SHLD1: variants seen among roughly 807,000 people sequenced by gnomAD.
SHLD1 encodes the protein shieldin complex subunit 1.
SHLD1 carries 3 observed loss-of-function variants against 5.5 expected under a neutral mutation model. The observed-to-expected ratio is 0.54, with a 90% CI of 0.25 to 1.40. The LOEUF (loss-of-function observed/expected upper bound fraction) is 1.40. Ranked by LOEUF, SHLD1 falls within the 40% of genes most tolerant of loss-of-function variation. The pLI is 0.15. For missense variants in SHLD1, 210 were observed against 244.4 expected (o/e 0.86, Z 0.94); for synonymous variants, 92 against 94.3 (o/e 0.98, Z 0.14).
chr20:5,834,915 A>G (rs1157617418), intron 2 of SHLD1, among the ~76,000 whole-genome samples: 1 of 152,134 alleles, frequency 6.6e-6, no homozygotes, highest in Admixed American at 6.6e-5. Context: ...GGTCTCCTTT[A>G]TGAGTTCCAT....
chr20:5,827,384 G>A (rs780338924), intron 2 of SHLD1, among the ~76,000 whole-genome samples: 6 of 152,242 alleles, frequency 3.9e-5, no homozygotes, highest in East Asian at 1.9e-4. Flanking sequence ...CATAGTCCAC[G>A]TAGTCCGCCT....
intron 2 of SHLD1, among the ~76,000 whole-genome samples, chr20:5,823,904 C>T (rs551663098): frequency 2.2e-4 from 33 of 152,294 alleles, no homozygotes; most frequent in African/African-American, 7.5e-4. Context: ...CTCACCACCT[C>T]CTCCACTCTA....
intron 2 of SHLD1, among the ~76,000 whole-genome samples, chr20:5,798,605 C>T (rs1313942782): frequency 1.5e-5 from 2 of 130,862 alleles, no homozygotes; most frequent in Non-Finnish European, 3.2e-5. Context: ...CCTGGCCTAA[C>T]ATTTTAGTTT....
At chr20:5,789,394 T>C (rs1600123758) in intron 2 of SHLD1, among the ~76,000 whole-genome samples, 1 of 151,668 alleles carries the variant, frequency 6.6e-6, no homozygotes, top group South Asian at 2.1e-4. Context: ...CTGGCCAACA[T>C]GGTGAAACCC....
intron 2 of SHLD1, among the ~76,000 whole-genome samples, chr20:5,784,960 T>A (rs1292374915): frequency 2.0e-5 from 3 of 152,200 alleles, no homozygotes; most frequent in African/African-American, 7.2e-5. Context: ...CCGGGGCACT[T>A]ATCTGCCGAG....
At position 5,766,494 on chromosome 20, in the gene SHLD1, A is replaced by G. The variant is rs1234929336; in HGVS notation, c.-4-6368A>G. Among the ~76,000 whole-genome samples, 4 of 152,164 alleles carry G rather than the reference A, an allele frequency of 2.6e-5. No individual in the cohort carries two copies. In the East Asian group the frequency reaches 5.8e-4, roughly 22 times the overall value. On this transcript the variant is annotated intron_variant, in intron 1 of 2. Transcript: ENST00000303142. ...TAGTTTAGGCTGCAATACTGGGGCTATGCAGACACAGGATGCTGGGAGGAC... is the reference window on the plus strand; with the variant it reads ...TAGTTTAGGCTGCAATACTGGGGCTGTGCAGACACAGGATGCTGGGAGGAC...
chr20:5,832,792 C>G (rs919613473), intron 2 of SHLD1, among the ~76,000 whole-genome samples: 1 of 134,086 alleles, frequency 7.5e-6, no homozygotes, highest in Non-Finnish European at 1.6e-5. Flanking sequence ...AGCTGGAAAT[C>G]AAAATAATAA....
At chr20:5,767,680 T>C (rs1347176840) in intron 1 of SHLD1, among the ~76,000 whole-genome samples, 1 of 152,232 alleles carries the variant, frequency 6.6e-6, no homozygotes, top group African/African-American at 2.4e-5. Flanking sequence ...CTGCTCTGCA[T>C]GTGCCCATGG....
chr20:5,808,074 G>A (rs1340601997), intron 2 of SHLD1, among the ~76,000 whole-genome samples: 5 of 152,176 alleles, frequency 3.3e-5, no homozygotes, highest in Non-Finnish European at 5.9e-5. Flanking sequence ...GAGGCCAGGA[G>A]TTCGAGACCG....
intron 1 of SHLD1, chr20:5,756,703 T>G (rs2122177062): frequency 6.0e-6 from 1 of 167,672 alleles, no homozygotes. Flanking sequence ...TTTTTTTTTT[T>G]TTTTTGAGAT....
At chr20:5,859,533 G>A (rs554288254) in intron 2 of SHLD1, among the ~76,000 whole-genome samples, 4 of 152,280 alleles carry the variant, frequency 2.6e-5, no homozygotes, top group Non-Finnish European at 5.9e-5. Flanking sequence ...ATGCATCACT[G>A]AGCACGAACT....
chr20:5,785,538 G>A (rs1032534364), intron 2 of SHLD1, among the ~76,000 whole-genome samples: 11 of 152,146 alleles, frequency 7.2e-5, no homozygotes, highest in Admixed American at 5.9e-4. Context: ...TCTCACGCCT[G>A]TAATCCCAGC....
rs76918207 is a variant in SHLD1, at chr20:5,806,255, G to A, written c.178+33212G>A. Among the ~76,000 whole-genome samples the A allele has an allele frequency of 0.014, 2,153 of 152,316 alleles. 27 individuals carry two copies. The highest frequency in any genetic ancestry group is 0.1 in the Middle Eastern group (30 of 294). ...GGTGGACACATAGTAGCTGACATAA[G>A]TGAGAATCTCCACCCACAAACTTTA... On this transcript the variant is annotated intron_variant, in intron 2 of 2. Coordinates refer to ENST00000303142, the MANE Select transcript of SHLD1 (RefSeq NM_152504.4). This position sits in a 1 kb window ranked among gnomAD's most constrained non-coding sequence, Gnocchi z 7.6.
chr20:5,824,982 G>T (rs771431222), intron 2 of SHLD1, among the ~76,000 whole-genome samples: 1 of 152,148 alleles, frequency 6.6e-6, no homozygotes, highest in African/African-American at 2.4e-5. Context: ...AGTCCCTCCT[G>T]TTATACCCCA....
Position 5,860,810 on chromosome 20 carries a change from C to G in SHLD1, c.179-2214C>G, listed in dbSNP as rs6133271. Among the ~76,000 whole-genome samples, 21 of 134,602 alleles carry G rather than the reference C, an allele frequency of 1.6e-4. No homozygotes were observed. In the South Asian group the frequency reaches 4.7e-3, roughly 30 times the overall value. 88.3% of individuals were successfully genotyped at this position (134,602 alleles called of 152,430 possible). ...GAGGCTTCAGTCCAGTGATAGTGTT[C>G]TTGGGAAGAACTTGGGTAAAAGCTC... On this transcript the variant is annotated intron_variant, in intron 2 of 2. Transcript: ENST00000303142.
intron 2 of SHLD1, among the ~76,000 whole-genome samples, chr20:5,804,293 A>G (rs1397541957): frequency 1.3e-5 from 2 of 151,844 alleles, no homozygotes; most frequent in African/African-American, 2.4e-5. Context: ...GTAACTTACT[A>G]TAGGTCTTTG....
intron 2 of SHLD1, among the ~76,000 whole-genome samples, chr20:5,823,420 G>A (rs1350858963): frequency 6.6e-6 from 1 of 151,236 alleles, no homozygotes; most frequent in Non-Finnish European, 1.5e-5. Context: ...ATAGTGCCTG[G>A]TCTAGCATAG....
chr20:5,849,725 C>T (rs1330235658), intron 2 of SHLD1, among the ~76,000 whole-genome samples: 10 of 151,250 alleles, frequency 6.6e-5, no homozygotes, highest in Admixed American at 3.9e-4. Context: ...TTTGGGAGGC[C>T]GAGGCGGGTG....
intron 2 of SHLD1, among the ~76,000 whole-genome samples, chr20:5,833,807 G>GA (rs11087699): frequency 0.33 from 49,524 of 151,722 alleles, 8,333 homozygotes; most frequent in East Asian, 0.5. Flanking sequence ...GAGAAAGAGA[G>GA]AGGGGGCAGG....
Sources: allele counts gnomAD v4.1 joint callset (sites outside exome capture counted in the v4.1 genomes callset), GRCh38; gene constraint gnomAD v4.1.1; non-coding constraint Gnocchi (gnomAD v3.1); transcripts MANE v1.5; gene names NCBI Gene and HGNC (gene_info 2026-07-23, HGNC 2026-07-21).